The following GRIA4 variants were observed in gnomAD, a reference collection of about 807,000 sequenced individuals.
The protein encoded by GRIA4 is glutamate receptor 4.
GRIA4 carries 34 observed loss-of-function variants against 104.0 expected under a neutral mutation model. The observed-to-expected ratio is 0.33, with a 90% CI of 0.25 to 0.44. GRIA4 has a LOEUF of 0.44. Ranked by LOEUF, GRIA4 falls within the 20% of genes least tolerant of loss-of-function variation. GRIA4 has a pLI of 1.00. For synonymous variants in GRIA4, 386 were observed against 381.9 expected (o/e 1.01, Z -0.13); for missense variants, 750 against 1,096.5 (o/e 0.68, Z 4.46).
rs148170832 is a variant in GRIA4, at chr11:105,939,619, C to T, written c.2294+5650C>T. On this transcript the variant is annotated intron_variant, in intron 14 of 16. Coordinates refer to ENST00000282499, the MANE Select transcript of GRIA4 (RefSeq NM_000829.4). Reference sequence around the variant, plus strand: ...TGACCATGGTGGCAAAGCTACTCTTCAGCCCTGTCTATACTAAATTATTAA... The same window carrying T: ...TGACCATGGTGGCAAAGCTACTCTTTAGCCCTGTCTATACTAAATTATTAA... Among the ~76,000 whole-genome samples, 286 of 152,234 alleles carry T rather than the reference C, an allele frequency of 1.9e-3. 3 individuals are homozygous for T. The highest frequency in any genetic ancestry group is 0.017 in the East Asian group (90 of 5,176).
chr11:105,733,748 C>G (rs1032207480), intron 3 of GRIA4, among the ~76,000 whole-genome samples: 6 of 152,048 alleles, frequency 3.9e-5, no homozygotes. Flanking sequence ...GCCACCATGC[C>G]TGGCCAGACA....
chr11:105,745,956 A>C (rs935626697), intron 3 of GRIA4, among the ~76,000 whole-genome samples: 1 of 152,262 alleles, frequency 6.6e-6, no homozygotes, highest in East Asian at 1.9e-4. Context: ...GACTCAACAC[A>C]TCCTATTTCC....
intron 4 of GRIA4, among the ~76,000 whole-genome samples, chr11:105,815,498 AC>A (rs1285803535): frequency 2.0e-5 from 3 of 152,206 alleles, no homozygotes; most frequent in African/African-American, 4.8e-5. Flanking sequence ...CTCACCTGAC[AC>A]CCGAATGCCC....
chr11:105,611,140 A>G lies in GRIA4; in HGVS notation c.88+55A>G, dbSNP rs544202123. On this transcript the variant is annotated intron_variant, in intron 2 of 16. Transcript: ENST00000282499. The stretch of plus-strand genomic sequence containing the variant: ...TGGCTGGTTGTAGCAGATATCCGAA[A>G]GTGAGTTAAATGAGTTGCTGATAAG... 17 of 1,268,036 alleles carry G rather than the reference A, an allele frequency of 1.3e-5. No individual in the cohort carries two copies. The South Asian group carries it at 1.9e-4, about 14-fold the overall frequency. The allele number at this position is 1,268,036 out of a possible 1,614,324, so 78.5% of individuals were successfully genotyped here. A position where few individuals can be genotyped will look rare whatever the true frequency, so the allele number is the denominator to read the frequency against.
At chr11:105,711,123 G>A (rs1490671628) in intron 3 of GRIA4, among the ~76,000 whole-genome samples, 1 of 151,894 alleles carries the variant, frequency 6.6e-6, no homozygotes, top group East Asian at 1.9e-4. Context: ...TAGCTATGTG[G>A]TAAGAAATAT....
intron 4 of GRIA4, among the ~76,000 whole-genome samples, chr11:105,769,218 T>G (rs1226754852): frequency 2.6e-5 from 4 of 152,106 alleles, no homozygotes; most frequent in Non-Finnish European, 5.9e-5. Flanking sequence ...AATGGCAGGC[T>G]TCTGTACAGA....
intron 3 of GRIA4, among the ~76,000 whole-genome samples, chr11:105,659,361 T>C (rs1951939068): frequency 6.6e-6 from 1 of 152,044 alleles, no homozygotes; most frequent in Admixed American, 6.6e-5. Flanking sequence ...AGGAAAGGTT[T>C]ATCTCACTGT....
chr11:105,654,734 T>G (rs573640465), intron 3 of GRIA4, among the ~76,000 whole-genome samples: 1 of 152,252 alleles, frequency 6.6e-6, no homozygotes, highest in Non-Finnish European at 1.5e-5. Context: ...TCTGCATACA[T>G]TTCTTACAAT....
chr11:105,854,337 G>T (rs1944932944), intron 4 of GRIA4, among the ~76,000 whole-genome samples: 1 of 152,104 alleles, frequency 6.6e-6, no homozygotes, highest in Non-Finnish European at 1.5e-5. Flanking sequence ...GAACATAAAG[G>T]CAAAACCCTG....
chr11:105,861,421 C>A (rs1377779666), intron 4 of GRIA4, among the ~76,000 whole-genome samples: 2 of 152,082 alleles, frequency 1.3e-5, no homozygotes, highest in Non-Finnish European at 2.9e-5. Flanking sequence ...CAGTGCCTCA[C>A]CTAGTGGTTA....
chr11:105,917,249 T>A (rs190092444), intron 10 of GRIA4, among the ~76,000 whole-genome samples: 80 of 152,276 alleles, frequency 5.3e-4, no homozygotes, highest in African/African-American at 1.7e-3. Context: ...AGTGGGAGGT[T>A]TCTGGGTCAT....
intron 3 of GRIA4, among the ~76,000 whole-genome samples, chr11:105,620,824 G>A (rs1483341392): frequency 6.6e-6 from 1 of 151,758 alleles, no homozygotes; most frequent in Non-Finnish European, 1.5e-5. Context: ...TTGATTTCAG[G>A]ATAACTGCAG....
intron 6 of GRIA4, among the ~76,000 whole-genome samples, chr11:105,889,600 A>T (rs1211318940): frequency 1.3e-5 from 2 of 152,156 alleles, no homozygotes; most frequent in Non-Finnish European, 2.9e-5. Flanking sequence ...CATCAACATC[A>T]TACTTAAGGT....
chr11:105,664,287 G>A (rs1665502210), intron 3 of GRIA4, among the ~76,000 whole-genome samples: 1 of 150,326 alleles, frequency 6.7e-6, no homozygotes, highest in South Asian at 2.1e-4. Context: ...AAGTGCAAAT[G>A]AAGGGCCCTA....
At chr11:105,746,924 G>A (rs150918990) in intron 3 of GRIA4, among the ~76,000 whole-genome samples, 125 of 152,088 alleles carry the variant, frequency 8.2e-4, no homozygotes, top group African/African-American at 2.8e-3. Flanking sequence ...ACGAGGATTC[G>A]TAAAGGCTAC....
At chr11:105,945,941 AAAT>A (rs1948296888) in intron 14 of GRIA4, among the ~76,000 whole-genome samples, 1 of 152,214 alleles carries the variant, frequency 6.6e-6, no homozygotes, top group South Asian at 2.1e-4. Flanking sequence ...ATTAAGAAAA[AAAT>A]AATAAAATTA....
In GRIA4 at chr11:105,817,709, A is replaced by G. The variant is rs765061460; in HGVS notation, c.488-44315A>G. On this transcript the variant is annotated intron_variant, in intron 4 of 16. Transcript: ENST00000282499. ...ATTTATATTTTGAATACATTACAGA[A>G]TATCGTACATTATATATAGAGAGTA... is the stretch of plus-strand genomic sequence containing the variant. Among the ~76,000 whole-genome samples the G allele has an allele frequency of 2.0e-5, 3 of 152,164 alleles. No individual in the cohort carries two copies. In the South Asian group the frequency reaches 6.2e-4, roughly 32 times the overall value.
At chr11:105,623,963 T>A (rs1010072808) in intron 3 of GRIA4, among the ~76,000 whole-genome samples, 2 of 152,076 alleles carry the variant, frequency 1.3e-5, no homozygotes, top group Non-Finnish European at 2.9e-5. Context: ...AAATACATGG[T>A]GAGTTTTCTC....
chr11:105,725,027 C>T (rs910391107), intron 3 of GRIA4, among the ~76,000 whole-genome samples: 5 of 152,094 alleles, frequency 3.3e-5, no homozygotes, highest in African/African-American at 9.7e-5. Context: ...TTGAGCAAAT[C>T]TTAATCTCTC....
Sources: allele counts gnomAD v4.1 joint callset (sites outside exome capture counted in the v4.1 genomes callset), GRCh38; gene constraint gnomAD v4.1.1; transcripts MANE v1.5; gene names NCBI Gene and HGNC (gene_info 2026-07-23, HGNC 2026-07-21).